SLC12A7: variants seen among roughly 807,000 people sequenced by gnomAD.
The protein encoded by SLC12A7 is K-Cl cotransporter 4.
A neutral mutation model predicts 120.6 loss-of-function variants in SLC12A7; 100 were observed. That is an observed-to-expected ratio of 0.83 (90% CI 0.71 to 0.98). SLC12A7 has a LOEUF of 0.98. Ranked by LOEUF, SLC12A7 falls within the 50% of genes least tolerant of loss-of-function variation. SLC12A7 has a pLI of 0.00. For synonymous variants in SLC12A7, 760 were observed against 678.0 expected, an observed-to-expected ratio of 1.12 and a Z score of -1.88; for missense variants, 1,373 against 1,548.1, an observed-to-expected ratio of 0.89 and a Z score of 1.90.
At chr5:1,107,692 C>A (rs906766698) in intron 1 of SLC12A7, among the ~76,000 whole-genome samples, 1 of 152,212 alleles carries the variant, frequency 6.6e-6, no homozygotes, top group South Asian at 2.1e-4. Context: ...GAGAAAGCCA[C>A]GCACTCTAAG....
intron 2 of SLC12A7, among the ~76,000 whole-genome samples, chr5:1,093,919 C>T (rs1740821926): frequency 6.6e-6 from 1 of 152,152 alleles, no homozygotes; most frequent in Non-Finnish European, 1.5e-5. Flanking sequence ...TCCCGTGGGG[C>T]CGGAGCACCC....
intron 1 of SLC12A7, among the ~76,000 whole-genome samples, chr5:1,104,276 CA>C (rs1363871292): frequency 6.6e-6 from 1 of 152,250 alleles, no homozygotes; most frequent in Non-Finnish European, 1.5e-5. Context: ...ACCCTCGTGA[CA>C]GGCTGGCTCC....
In SLC12A7 at chr5:1,051,067, A is replaced by G. The variant is rs780146993; in HGVS notation, c.*1293T>C. 8 of 397,268 alleles carry G rather than the reference A, an allele frequency of 2.0e-5. No homozygotes were observed. The highest frequency in any genetic ancestry group is 3.1e-5 in the Non-Finnish European group (7 of 225,676). 24.6% of individuals were successfully genotyped at this position (397,268 alleles called of 1,614,324 possible). A position where few individuals can be genotyped will look rare whatever the true frequency, so the allele number is the denominator to read the frequency against. ...GTGTTTAAATAAATAAATATGCCACATAGAAAGGGAGGCCCAAGTCGGTGC... is the reference window on the plus strand; with the variant it reads ...GTGTTTAAATAAATAAATATGCCACGTAGAAAGGGAGGCCCAAGTCGGTGC... On this transcript the variant is annotated 3_prime_UTR_variant, in exon 24 of 24. Transcript: ENST00000264930.
intron 1 of SLC12A7, among the ~76,000 whole-genome samples, chr5:1,105,995 C>T (rs1284043390): frequency 6.6e-6 from 1 of 152,240 alleles, no homozygotes; most frequent in Non-Finnish European, 1.5e-5. Flanking sequence ...CCTGCCCCAC[C>T]CACCACACGG....
upstream of SLC12A7, among the ~76,000 whole-genome samples, chr5:1,114,809 C>T (rs542987425): frequency 3.9e-5 from 6 of 152,240 alleles, no homozygotes; most frequent in East Asian, 5.8e-4. Flanking sequence ...CTCCTCCGTC[C>T]GCAGTCGTTG....
chr5:1,069,225 G>A (rs374041475), intron 17 of SLC12A7, among the ~76,000 whole-genome samples: 2 of 152,238 alleles, frequency 1.3e-5, no homozygotes, highest in Admixed American at 6.5e-5. Flanking sequence ...AACGTGGCGG[G>A]AGCGGCGGGG....
At chr5:1,093,689 C>T (rs1456152803) in intron 2 of SLC12A7, 34 bp from the exon 3 acceptor site, 8 of 1,607,440 alleles carry the variant, frequency 5.0e-6, no homozygotes, top group Non-Finnish European at 6.8e-6. Context: ...AGGCGGCCCG[C>T]ACCTCGCCGT....
chr5:1,061,069 C>CTCATGGGAGTTGGGA (rs1736169502), intron 20 of SLC12A7, among the ~76,000 whole-genome samples: 3 of 118,380 alleles, frequency 2.5e-5, no homozygotes, highest in African/African-American at 6.8e-5. Context: ...CCGCACCCGC[C>CTCATGGGAGTTGGGA]GCACCTGCCG....
the SLC12A7 span, among the ~76,000 whole-genome samples, chr5:1,148,052 G>A: frequency 4.6e-5 from 7 of 152,174 alleles, no homozygotes; most frequent in East Asian, 1.4e-3. Context: ...TCCCTGAAAT[G>A]TATACAACCA....
At chr5:1,081,049 A>AAGAGGG (rs1184307381) in intron 9 of SLC12A7, among the ~76,000 whole-genome samples, 1 of 128,250 alleles carries the variant, frequency 7.8e-6, no homozygotes, top group Non-Finnish European at 1.6e-5. Flanking sequence ...GGGAGGGAAG[A>AAGAGGG]AGAGGGAGAC....
At chr5:1,128,832 A>G in the SLC12A7 span, among the ~76,000 whole-genome samples, 1 of 152,034 alleles carries the variant, frequency 6.6e-6, no homozygotes, top group East Asian at 1.9e-4. Flanking sequence ...AATGGATCAC[A>G]TGTTTGCATA....
chr5:1,129,009 G>A, the SLC12A7 span, among the ~76,000 whole-genome samples: 6 of 152,128 alleles, frequency 3.9e-5, no homozygotes, highest in African/African-American at 1.4e-4. Context: ...AGCATACCCC[G>A]CTGCCCCTGC....
the SLC12A7 span, among the ~76,000 whole-genome samples, chr5:1,153,723 C>T: frequency 3.5e-4 from 54 of 152,298 alleles, 1 homozygote; most frequent in Middle Eastern, 6.8e-3. Context: ...TCACACTAAC[C>T]GGCGACCTGC....
intron 15 of SLC12A7, 22 bp from the exon 16 acceptor site, chr5:1,074,693 T>A (rs1407481106): frequency 6.2e-7 from 1 of 1,609,204 alleles, no homozygotes; most frequent in African/African-American, 1.3e-5. Flanking sequence ...GAAGTCGGGG[T>A]TTGTCCAGCC....
Position 1,053,346 on chromosome 5 carries a change from TAC to T in SLC12A7, c.3160+1_3160+2del. The stretch of plus-strand genomic sequence containing the variant: ...TCAGCAGGCACACTGCAAGAAAGGA[TAC>T]AGTTCTCGTCTCCCTGCCGGTTTTT... On this transcript the variant is annotated splice_donor_variant, in intron 23 of 23. Coordinates refer to ENST00000264930, the MANE Select transcript of SLC12A7 (RefSeq NM_006598.3). LOFTEE classifies it high-confidence loss of function. 6.2e-7 allele frequency: 1 copy of T among 1,613,668 alleles called. No homozygotes were observed.
intron 23 of SLC12A7, 66 bp from the exon 24 acceptor site, chr5:1,052,517 G>T: frequency 7.4e-7 from 1 of 1,346,284 alleles, no homozygotes; most frequent in Non-Finnish European, 1.1e-6. Flanking sequence ...AATCGTGATA[G>T]GAGTGAGGTT....
At chr5:1,124,228 G>A in the SLC12A7 span, among the ~76,000 whole-genome samples, 18 of 152,286 alleles carry the variant, frequency 1.2e-4, no homozygotes, top group South Asian at 1.5e-3. Context: ...AGAGATCAGC[G>A]CCCACAAGCC....
chr5:1,115,938 T>G (rs1455468082), upstream of SLC12A7, among the ~76,000 whole-genome samples: 1 of 142,206 alleles, frequency 7.0e-6, no homozygotes, highest in African/African-American at 2.9e-5. Flanking sequence ...AAACAAACCT[T>G]TTTTTTTTTA....
intron 20 of SLC12A7, among the ~76,000 whole-genome samples, chr5:1,062,438 C>T (rs1736393300): frequency 6.6e-6 from 1 of 152,230 alleles, no homozygotes; most frequent in Admixed American, 6.5e-5. Context: ...GGAAACTAAG[C>T]CCAGTGTACA....
Sources: allele counts gnomAD v4.1 joint callset (sites outside exome capture counted in the v4.1 genomes callset), GRCh38; gene constraint gnomAD v4.1.1; transcripts MANE v1.5; gene names NCBI Gene and HGNC (gene_info 2026-07-23, HGNC 2026-07-21).